The following GABRB1 variants were observed in gnomAD, a reference collection of about 807,000 sequenced individuals.
GABRB1 encodes the protein gamma-aminobutyric acid receptor subunit beta-1.
A neutral mutation model predicts 51.6 loss-of-function variants in GABRB1; 17 were observed. That is an observed-to-expected ratio of 0.33 (90% CI 0.23 to 0.49). The LOEUF (loss-of-function observed/expected upper bound fraction) is 0.49, where lower values mean the gene tolerates loss of function less well. Ranked by LOEUF, GABRB1 falls within the 20% of genes least tolerant of loss-of-function variation. The probability of loss-of-function intolerance (pLI) is 0.99; values close to 1 mark genes in which losing one functional copy is unlikely to be tolerated. For missense variants in GABRB1, 410 were observed against 600.6 expected (o/e 0.68, Z 3.32); for synonymous variants, 247 against 218.9 (o/e 1.13, Z -1.14).
intron 3 of GABRB1, among the ~76,000 whole-genome samples, chr4:47,054,725 G>A (rs1726513206): frequency 6.6e-6 from 1 of 151,976 alleles, no homozygotes; most frequent in Admixed American, 6.6e-5. Flanking sequence ...TAGAATTACA[G>A]GTGCCTGCCA....
At chr4:47,330,740 C>T (rs893259161) in intron 5 of GABRB1, among the ~76,000 whole-genome samples, 1 of 152,102 alleles carries the variant, frequency 6.6e-6, no homozygotes, top group Non-Finnish European at 1.5e-5. Context: ...AGTTACATCA[C>T]TAATACATTG....
intron 3 of GABRB1, among the ~76,000 whole-genome samples, chr4:47,152,658 A>G (rs1717512441): frequency 6.6e-6 from 1 of 151,900 alleles, no homozygotes; most frequent in Non-Finnish European, 1.5e-5. Flanking sequence ...CTCTATGTGC[A>G]TGCGCCACTG....
intron 8 of GABRB1, among the ~76,000 whole-genome samples, chr4:47,409,192 G>C (rs1312684488): frequency 6.6e-6 from 1 of 152,178 alleles, no homozygotes; most frequent in African/African-American, 2.4e-5. Flanking sequence ...AGCCCCAGTA[G>C]GTGTGTTACA....
chr4:47,251,788 C>T (rs1251200105), intron 4 of GABRB1, among the ~76,000 whole-genome samples: 2 of 152,108 alleles, frequency 1.3e-5, no homozygotes, highest in Non-Finnish European at 2.9e-5. Context: ...CTGGCAATCA[C>T]AGACATCCAG....
intron 4 of GABRB1, among the ~76,000 whole-genome samples, chr4:47,277,753 T>C (rs1227828544): frequency 6.6e-6 from 1 of 152,056 alleles, no homozygotes; most frequent in African/African-American, 2.4e-5. Flanking sequence ...TTATTGCAGG[T>C]ATTTCAAAAT....
chr4:47,345,784 C>T (rs187178795), intron 5 of GABRB1, among the ~76,000 whole-genome samples: 1 of 152,226 alleles, frequency 6.6e-6, no homozygotes, highest in East Asian at 1.9e-4. Flanking sequence ...AATACAGGAA[C>T]ACAATAGTTT....
At chr4:47,308,920 T>C (rs1724568210) in intron 4 of GABRB1, among the ~76,000 whole-genome samples, 2 of 152,268 alleles carry the variant, frequency 1.3e-5, no homozygotes, top group Admixed American at 6.5e-5. Context: ...CAAGAAACTA[T>C]TGCTATCGTT....
chr4:47,397,408 C>G (rs921943369), intron 5 of GABRB1, among the ~76,000 whole-genome samples: 1 of 152,144 alleles, frequency 6.6e-6, no homozygotes, highest in Non-Finnish European at 1.5e-5. Context: ...CCACTTTTAT[C>G]ATATTCTAAA....
At chr4:47,030,191 A>G (rs1029032665), upstream of GABRB1, among the ~76,000 whole-genome samples, 7 of 152,150 alleles carry the variant, frequency 4.6e-5, no homozygotes, top group African/African-American at 1.7e-4. Context: ...TATTTTGTGT[A>G]TTTAAATAAT....
intron 5 of GABRB1, among the ~76,000 whole-genome samples, chr4:47,393,028 C>T (rs1193872648): frequency 1.3e-5 from 2 of 152,178 alleles, no homozygotes. Context: ...TAGATGGAGT[C>T]AAGTCATGTC....
chr4:47,158,402 T>C (rs950708026), intron 3 of GABRB1, among the ~76,000 whole-genome samples: 4 of 152,110 alleles, frequency 2.6e-5, no homozygotes, highest in African/African-American at 7.2e-5. Context: ...TTCTCTTTTG[T>C]GGTAAAATTT....
At chr4:47,198,605 A>G (rs1191779656) in intron 4 of GABRB1, among the ~76,000 whole-genome samples, 1 of 152,216 alleles carries the variant, frequency 6.6e-6, no homozygotes, top group Non-Finnish European at 1.5e-5. Flanking sequence ...CATGAGGATC[A>G]TGAAAGGCAA....
chr4:47,078,037 T>G (rs1387441214), intron 3 of GABRB1, among the ~76,000 whole-genome samples: 1 of 145,568 alleles, frequency 6.9e-6, no homozygotes, highest in African/African-American at 2.5e-5. Flanking sequence ...TTGGCCAGGC[T>G]GGAGTGCAAT....
At chr4:47,306,863 T>C (rs1209078190) in intron 4 of GABRB1, among the ~76,000 whole-genome samples, 1 of 152,162 alleles carries the variant, frequency 6.6e-6, no homozygotes, top group African/African-American at 2.4e-5. Flanking sequence ...TAGAGGTGTG[T>C]ATCCATTTAG....
intron 4 of GABRB1, among the ~76,000 whole-genome samples, chr4:47,195,464 TAGA>T (rs779513396): frequency 0.08 from 6,825 of 85,334 alleles, 243 homozygotes; most frequent in East Asian, 0.21. Flanking sequence ...GATTAGATGA[TAGA>T]TAGATAGATA....
chr4:47,340,758 A>G (rs1725863293), intron 5 of GABRB1, among the ~76,000 whole-genome samples: 1 of 152,174 alleles, frequency 6.6e-6, no homozygotes, highest in South Asian at 2.1e-4. Flanking sequence ...ATAGCAGGTA[A>G]CAATACATCT....
chr4:47,114,942 T>C (rs1322705751), intron 3 of GABRB1, among the ~76,000 whole-genome samples: 3 of 152,160 alleles, frequency 2.0e-5, no homozygotes, highest in African/African-American at 7.2e-5. Flanking sequence ...CATCTCAATG[T>C]TCCTTCTTTC....
At chr4:47,078,142 A>G (rs1266922097) in intron 3 of GABRB1, among the ~76,000 whole-genome samples, 1 of 150,794 alleles carries the variant, frequency 6.6e-6, no homozygotes, top group Non-Finnish European at 1.5e-5. Context: ...GGCATGCACC[A>G]CCATGCCTGG....
chr4:47,346,117 T>C (rs1560344036), intron 5 of GABRB1, among the ~76,000 whole-genome samples: 1 of 151,998 alleles, frequency 6.6e-6, no homozygotes, highest in Non-Finnish European at 1.5e-5. Flanking sequence ...TTTGTTTGTT[T>C]ATAGCACAGA....
Sources: allele counts gnomAD v4.1 joint callset (sites outside exome capture counted in the v4.1 genomes callset), GRCh38; gene constraint gnomAD v4.1.1; transcripts MANE v1.5; gene names NCBI Gene and HGNC (gene_info 2026-07-23, HGNC 2026-07-21).